The following WDPCP variants were observed in gnomAD, a reference collection of about 807,000 sequenced individuals.
The protein encoded by WDPCP is WD repeat-containing and planar cell polarity effector protein fritz homolog.
WDPCP carries 71 observed loss-of-function variants against 93.1 expected under a neutral mutation model. The ratio of observed to expected loss-of-function variants is 0.76; its 90% CI spans 0.63 to 0.93. The LOEUF is 0.93. WDPCP is among the 40% of genes least tolerant of loss of function. The pLI, the probability that WDPCP is intolerant of heterozygous loss-of-function variation, is 0.00. For synonymous variants in WDPCP, 315 were observed against 315.0 expected (o/e 1.00, Z 0.00); for missense variants, 844 against 887.4 (o/e 0.95, Z 0.62).
intron 2 of WDPCP, among the ~76,000 whole-genome samples, chr2:63,745,745 A>T (rs980032320): frequency 6.6e-6 from 1 of 152,042 alleles, no homozygotes; most frequent in Admixed American, 6.6e-5. Flanking sequence ...CTATGTTTCC[A>T]TGAATGTTCT....
chr2:63,264,728 T>TAACA (rs1559261548), intron 13 of WDPCP, among the ~76,000 whole-genome samples: 1 of 152,154 alleles, frequency 6.6e-6, no homozygotes, highest in African/African-American at 2.4e-5. Flanking sequence ...AAAATGGACC[T>TAACA]AACAGATATT....
intron 12 of WDPCP, among the ~76,000 whole-genome samples, chr2:63,321,139 C>CA (rs573931034): frequency 3.3e-5 from 5 of 150,402 alleles, no homozygotes; most frequent in African/African-American, 1.2e-4. Flanking sequence ...ATATATGAAA[C>CA]AAAAAAAAGG....
rs765472256 is a variant in WDPCP at position 63,778,269 on chromosome 2, G to A, written n.308+35353C>T. ...GTCTCCCAGGCTGGAGTGCAGTGGC[G>A]CGATTTCAGCCCACTGCAACCTCCA... is the stretch of plus-strand genomic sequence containing the variant. On this transcript the variant is annotated intron_variant and non_coding_transcript_variant, in intron 2 of 4. Coordinates refer to the WDPCP transcript ENST00000467687. 3.3e-5 allele frequency among the ~76,000 whole-genome samples: 5 copies of A among 151,512 alleles called. No individual in the cohort carries two copies. The South Asian group carries it at 6.3e-4, about 19-fold the overall frequency.
At chr2:63,546,208 C>T (rs1705145647) in intron 1 of WDPCP, among the ~76,000 whole-genome samples, 1 of 152,100 alleles carries the variant, frequency 6.6e-6, no homozygotes, top group South Asian at 2.1e-4. Context: ...ACTGTTCCGC[C>T]TAAAGAATAA....
intron 3 of WDPCP, among the ~76,000 whole-genome samples, chr2:63,613,861 C>CAA (rs1709644975): frequency 1.3e-5 from 2 of 152,124 alleles, no homozygotes; most frequent in Non-Finnish European, 2.9e-5. Context: ...AAACTTCTTT[C>CAA]AAAAGAAATG....
chr2:63,149,099 G>A (rs961023517), intron 17 of WDPCP, among the ~76,000 whole-genome samples: 1 of 151,894 alleles, frequency 6.6e-6, no homozygotes, highest in African/African-American at 2.4e-5. Flanking sequence ...GCAACAACTT[G>A]GGAGGAGTTA....
intron 2 of WDPCP, chr2:63,711,707 G>T (rs561363720): frequency 3.9e-5 from 6 of 152,288 alleles, no homozygotes; most frequent in African/African-American, 1.4e-4. Flanking sequence ...GCTGCAGTGA[G>T]CTGTGATGGT....
At chr2:63,148,606 C>T (rs1250311797) in intron 17 of WDPCP, among the ~76,000 whole-genome samples, 1 of 151,716 alleles carries the variant, frequency 6.6e-6, no homozygotes, top group Non-Finnish European at 1.5e-5. Context: ...CACCCACTAC[C>T]CAAAGTGCTG....
At chr2:63,528,183 G>A (rs182504344) in intron 1 of WDPCP, among the ~76,000 whole-genome samples, 1 of 152,246 alleles carries the variant, frequency 6.6e-6, no homozygotes, top group Non-Finnish European at 1.5e-5. Context: ...TCACCCTGAT[G>A]GTAGTTTCTT....
chr2:63,572,027 C>A (rs148194052), intron 1 of WDPCP, among the ~76,000 whole-genome samples: 126 of 152,274 alleles, frequency 8.3e-4, no homozygotes, highest in African/African-American at 2.9e-3. Context: ...AGGAAAATTA[C>A]TGCAAAGAAA....
chr2:63,145,835 A>G (rs913567973), intron 17 of WDPCP, among the ~76,000 whole-genome samples: 47 of 152,144 alleles, frequency 3.1e-4, no homozygotes, highest in Non-Finnish European at 1.5e-4. Context: ...CTTCCTGTTC[A>G]TGAGCATGGA....
At chr2:63,328,259 G>T (rs989907888) in intron 12 of WDPCP, among the ~76,000 whole-genome samples, 42 of 151,988 alleles carry the variant, frequency 2.8e-4, no homozygotes, top group Non-Finnish European at 3.2e-4. Flanking sequence ...CCAGATAAGG[G>T]AATAAAAGCA....
intron 3 of WDPCP, among the ~76,000 whole-genome samples, chr2:63,610,638 T>C (rs1449752977): frequency 3.3e-5 from 5 of 152,136 alleles, no homozygotes; most frequent in Non-Finnish European, 7.4e-5. Context: ...CATTTAAGCC[T>C]TGTTTTTGTC....
chr2:63,302,666 T>A lies in WDPCP; in HGVS notation c.1812+10582A>T, dbSNP rs539764307. On this transcript the variant is annotated intron_variant, in intron 13 of 17. Transcript: ENST00000272321. Reference sequence around the variant, plus strand: ...GATAAATAAGGATAATTGCTAATATTCTCTGTAAAGTTTTAATGAAAAAGG... The same window carrying A: ...GATAAATAAGGATAATTGCTAATATACTCTGTAAAGTTTTAATGAAAAAGG... 2.6e-5 allele frequency among the ~76,000 whole-genome samples: 4 copies of A among 152,302 alleles called. No homozygotes were observed. The South Asian group carries it at 8.3e-4, about 32-fold the overall frequency.
chr2:63,143,107 G>T (rs1040589893), intron 17 of WDPCP, among the ~76,000 whole-genome samples: 6 of 151,890 alleles, frequency 4.0e-5, no homozygotes, highest in African/African-American at 1.5e-4. Flanking sequence ...ACATGTCACC[G>T]CAGGTGCCTC....
intron 2 of WDPCP, among the ~76,000 whole-genome samples, chr2:63,492,599 G>A (rs1236747565): frequency 6.6e-6 from 1 of 151,744 alleles, no homozygotes; most frequent in East Asian, 1.9e-4. Context: ...CAACCTCCTA[G>A]GCTCGTGTGT....
intron 13 of WDPCP, among the ~76,000 whole-genome samples, chr2:63,299,830 T>C (rs1186717866): frequency 6.6e-6 from 1 of 152,102 alleles, no homozygotes; most frequent in Non-Finnish European, 1.5e-5. Flanking sequence ...CTTTTCTGTT[T>C]AATAAAAAGC....
At chr2:63,530,681 A>C (rs1366265434) in intron 1 of WDPCP, among the ~76,000 whole-genome samples, 3 of 152,234 alleles carry the variant, frequency 2.0e-5, no homozygotes, top group Admixed American at 1.3e-4. Flanking sequence ...GATCCATGCA[A>C]CTGGCAGGCC....
At chr2:63,759,872 T>C (rs910381773) in intron 2 of WDPCP, among the ~76,000 whole-genome samples, 1 of 152,242 alleles carries the variant, frequency 6.6e-6, no homozygotes, top group Non-Finnish European at 1.5e-5. Flanking sequence ...TTGCCTAATA[T>C]ACTGTGGCAC....
Sources: gnomAD v4.1 joint callset for allele counts (sites outside exome capture counted in the v4.1 genomes callset) on GRCh38, gnomAD v4.1.1 for gene constraint, MANE v1.5 for transcripts, NCBI Gene and HGNC (gene_info 2026-07-23, HGNC 2026-07-21) for gene names.